Variants in RIMS1 observed in about 807,000 individuals in gnomAD.
RIMS1 encodes the protein regulating synaptic membrane exocytosis 1.
A neutral mutation model predicts 214.1 loss-of-function variants in RIMS1; 83 were observed. The ratio of observed to expected loss-of-function variants is 0.39; its 90% CI spans 0.32 to 0.47. The LOEUF (loss-of-function observed/expected upper bound fraction) is 0.47. RIMS1 is among the 20% of genes least tolerant of loss of function. The pLI, the probability that RIMS1 is intolerant of heterozygous loss-of-function variation, is 0.99. For missense variants in RIMS1, 2,050 were observed against 2,161.8 expected (o/e 0.95, Z 1.03); for synonymous variants, 793 against 786.8 (o/e 1.01, Z -0.13).
rs1006413552 is a variant in RIMS1, at chr6:72,056,498, A to C, written c.246-40451A>C. 5.9e-5 allele frequency among the ~76,000 whole-genome samples: 9 copies of C among 152,248 alleles called. No homozygotes were observed. The East Asian group carries it at 1.5e-3, about 26-fold the overall frequency. On this transcript the variant is annotated intron_variant, in intron 2 of 33. Coordinates refer to ENST00000521978, the MANE Select transcript of RIMS1 (RefSeq NM_014989.7). The stretch of plus-strand genomic sequence containing the variant: ...AAGAATGCCTTATGCATTATTATGC[A>C]TAACTGAAGTTGTTGCTCTGATTTT...
rs182241366 is a variant in RIMS1 at position 71,909,594 on chromosome 6, A to C, written c.164+22407A>C. Among the ~76,000 whole-genome samples, 404 of 152,284 alleles carry C rather than the reference A, an allele frequency of 2.7e-3. 3 individuals are homozygous for C. Among genetic ancestry groups the C allele is most frequent in the African/African-American group, 9.3e-3 (388 of 41,560 alleles). On this transcript the variant is annotated intron_variant, in intron 1 of 33. Coordinates refer to ENST00000521978, the MANE Select transcript of RIMS1 (RefSeq NM_014989.7). ...TTAATTAATTAATTACTTAATTAAA[A>C]TAATGTTTTGGCGCTGGCTTGCATT... is the stretch of plus-strand genomic sequence containing the variant.
chr6:72,121,531 A>C (rs1277205711), intron 4 of RIMS1, among the ~76,000 whole-genome samples: 1 of 152,000 alleles, frequency 6.6e-6, no homozygotes, highest in East Asian at 1.9e-4. Flanking sequence ...GAAGTTGCTT[A>C]TCAGCTTAAG....
intron 4 of RIMS1, among the ~76,000 whole-genome samples, chr6:72,105,295 A>C (rs1207471323): frequency 3.3e-5 from 5 of 152,074 alleles, no homozygotes; most frequent in African/African-American, 1.2e-4. Flanking sequence ...CAGTAGTCTC[A>C]TATATAATTA....
intron 6 of RIMS1, among the ~76,000 whole-genome samples, chr6:72,225,967 G>A (rs189901492): frequency 1.1e-4 from 16 of 152,172 alleles, no homozygotes; most frequent in Admixed American, 1.0e-3. Flanking sequence ...TCTCCAAACT[G>A]TTTTGTGTGG....
chr6:71,970,695 T>C (rs1017895211), intron 2 of RIMS1, among the ~76,000 whole-genome samples: 3 of 152,220 alleles, frequency 2.0e-5, no homozygotes, highest in Non-Finnish European at 2.9e-5. Flanking sequence ...ATAGATTCTT[T>C]GGATCCTGCT....
At chr6:71,947,281 TAGCCA>T (rs1196665788) in intron 1 of RIMS1, among the ~76,000 whole-genome samples, 1 of 152,060 alleles carries the variant, frequency 6.6e-6, no homozygotes, top group Non-Finnish European at 1.5e-5. Context: ...TTATTCACAA[TAGCCA>T]AGATATAGAA....
intron 2 of RIMS1, among the ~76,000 whole-genome samples, chr6:72,048,363 G>A (rs570843348): frequency 2.0e-5 from 3 of 152,272 alleles, no homozygotes; most frequent in Admixed American, 1.3e-4. Context: ...AAGATGGCCT[G>A]TGTCCTTTTT....
At chr6:71,902,704 C>T (rs903147576) in intron 1 of RIMS1, among the ~76,000 whole-genome samples, 7 of 152,044 alleles carry the variant, frequency 4.6e-5, no homozygotes, top group East Asian at 1.9e-4. Flanking sequence ...CAGGCCCCAG[C>T]GTGTATTGTT....
intron 4 of RIMS1, among the ~76,000 whole-genome samples, chr6:72,176,488 T>G (rs2047727303): frequency 6.6e-6 from 1 of 152,198 alleles, no homozygotes; most frequent in South Asian, 2.1e-4. Flanking sequence ...ATGAGCAATT[T>G]ATTTTTTATT....
At chr6:72,181,822 G>A (rs1312159095) in intron 5 of RIMS1, among the ~76,000 whole-genome samples, 1 of 152,148 alleles carries the variant, frequency 6.6e-6, no homozygotes, top group Non-Finnish European at 1.5e-5. Flanking sequence ...GAAAATTAAA[G>A]GTAGAGATGA....
intron 4 of RIMS1, among the ~76,000 whole-genome samples, chr6:72,115,631 A>G (rs995213737): frequency 2.6e-5 from 4 of 151,890 alleles, no homozygotes; most frequent in Non-Finnish European, 4.4e-5. Flanking sequence ...TTTTAATTTC[A>G]GGAAGCTAAA....
chr6:72,216,099 C>A (rs942225021), intron 6 of RIMS1, among the ~76,000 whole-genome samples: 10 of 152,108 alleles, frequency 6.6e-5, no homozygotes, highest in Middle Eastern at 3.2e-3. Flanking sequence ...TTTCTGGGAT[C>A]TGAATGTTGT....
At chr6:72,248,161 G>C in intron 12 of RIMS1, 34 bp downstream of exon 12, 2 of 1,324,542 alleles carry the variant, frequency 1.5e-6, no homozygotes, top group Non-Finnish European at 2.2e-6. Flanking sequence ...GAGGCTGTTA[G>C]TATTTGCATA....
chr6:71,998,131 A>G (rs905900725), intron 2 of RIMS1, among the ~76,000 whole-genome samples: 3 of 152,084 alleles, frequency 2.0e-5, no homozygotes, highest in Admixed American at 1.3e-4. Flanking sequence ...TCAATATGGT[A>G]TTATGCTTAG....
chr6:71,990,887 TATC>T (rs1375556876), intron 2 of RIMS1, among the ~76,000 whole-genome samples: 3 of 152,088 alleles, frequency 2.0e-5, no homozygotes, highest in East Asian at 3.9e-4. Context: ...TCTCAAATAA[TATC>T]ATCTATTGAT....
At chr6:71,956,268 A>T (rs896806216) in intron 1 of RIMS1, among the ~76,000 whole-genome samples, 5 of 152,120 alleles carry the variant, frequency 3.3e-5, no homozygotes, top group African/African-American at 4.8e-5. Context: ...TTGTATTGTT[A>T]GGTTTTAATC....
intron 28 of RIMS1, among the ~76,000 whole-genome samples, chr6:72,319,359 G>A (rs942458313): frequency 6.6e-6 from 1 of 152,162 alleles, no homozygotes; most frequent in Non-Finnish European, 1.5e-5. Flanking sequence ...AAGAACTAAT[G>A]TGGGAGGTAA....
At position 72,091,611 on chromosome 6, in the gene RIMS1, A is replaced by G. The variant is rs1836251177; in HGVS notation, c.246-5338A>G. 2.6e-5 allele frequency among the ~76,000 whole-genome samples: 4 copies of G among 152,160 alleles called. No individual in the cohort carries two copies. The South Asian group carries it at 8.3e-4, about 32-fold the overall frequency. On this transcript the variant is annotated intron_variant, in intron 2 of 33. Transcript: ENST00000521978. ...GAAATATATGCTATTAATCACCCAA[A>G]CAACTTTTTTACAAATTGAATTTTA...
At position 72,156,160 on chromosome 6, in the gene RIMS1, T is replaced by C. The variant is rs897535739; in HGVS notation, c.472-23415T>C. 23 of 241,708 alleles carry C rather than the reference T, an allele frequency of 9.5e-5. 3 individuals are homozygous for C. The highest frequency in any genetic ancestry group is 4.7e-4 in the African/African-American group (21 of 44,274). The allele number at this position is 241,708 out of a possible 1,614,324, so 15.0% of individuals were successfully genotyped here. On this transcript the variant is annotated intron_variant, in intron 4 of 33. Transcript: ENST00000521978. ...ATGAAATCAATATTTTGAAGAGATA[T>C]CTGCACTTCCATGTTCACTGTGGTG... is the stretch of plus-strand genomic sequence containing the variant.
Sources: gnomAD v4.1 joint callset for allele counts (sites outside exome capture counted in the v4.1 genomes callset) on GRCh38, gnomAD v4.1.1 for gene constraint, MANE v1.5 for transcripts, NCBI Gene and HGNC (gene_info 2026-07-23, HGNC 2026-07-21) for gene names.